Variants in DGKI observed in about 807,000 individuals in gnomAD.
The protein encoded by DGKI is DAG kinase iota.
Under a neutral mutation model 147.5 loss-of-function variants are expected in DGKI, and 55 were observed. The observed-to-expected ratio is 0.37, with a 90% confidence interval of 0.30 to 0.47. The LOEUF (loss-of-function observed/expected upper bound fraction) is 0.47, where lower values mean the gene tolerates loss of function less well. Among genes scored for constraint, DGKI ranks in the 20% least tolerant of loss-of-function variants. The probability of loss-of-function intolerance (pLI) is 1.00; values close to 1 mark genes in which losing one functional copy is unlikely to be tolerated. For synonymous variants in DGKI, 469 were observed against 477.1 expected (o/e 0.98, Z 0.22); for missense variants, 1,007 against 1,323.8 (o/e 0.76, Z 3.71).
chr7:137,474,589 T>C (rs1413308156), intron 23 of DGKI, among the ~76,000 whole-genome samples: 4 of 152,024 alleles, frequency 2.6e-5, no homozygotes, highest in Non-Finnish European at 4.4e-5. Flanking sequence ...AGCAAAAAGA[T>C]AGTGAGAAAG....
At chr7:137,618,153 T>A (rs867310991) in intron 8 of DGKI, among the ~76,000 whole-genome samples, 11 of 9,612 alleles carry the variant, frequency 1.1e-3, no homozygotes, top group Non-Finnish European at 3.0e-3. Flanking sequence ...ATATATATAT[T>A]TTTTTTTTTT....
intron 28 of DGKI, among the ~76,000 whole-genome samples, chr7:137,441,216 C>T (rs866202094): frequency 9.2e-5 from 14 of 151,730 alleles, no homozygotes; most frequent in African/African-American, 3.1e-4. Context: ...GTCAGGAGAT[C>T]GAGACCATCC....
At chr7:137,415,084 T>C (rs1812308667) in intron 28 of DGKI, among the ~76,000 whole-genome samples, 1 of 152,136 alleles carries the variant, frequency 6.6e-6, no homozygotes, top group Non-Finnish European at 1.5e-5. Context: ...GGCAGACATA[T>C]CTCTGTTAAT....
intron 28 of DGKI, among the ~76,000 whole-genome samples, chr7:137,418,521 C>CAT (rs1277081256): frequency 4.6e-5 from 7 of 152,070 alleles, no homozygotes; most frequent in Non-Finnish European, 2.9e-5. Flanking sequence ...TTGGCAAAGC[C>CAT]ATATATATAT....
chr7:137,513,427 TA>T (rs557648782), intron 21 of DGKI, among the ~76,000 whole-genome samples: 14 of 151,932 alleles, frequency 9.2e-5, no homozygotes, highest in Non-Finnish European at 1.8e-4. Flanking sequence ...TCTTACAAAT[TA>T]AAAAAAAGAA....
chr7:137,589,613 C>G (rs1819536038), intron 12 of DGKI, among the ~76,000 whole-genome samples: 1 of 152,168 alleles, frequency 6.6e-6, no homozygotes, highest in South Asian at 2.1e-4. Flanking sequence ...AGATTAAACA[C>G]AGTAAAAGTA....
Position 137,391,053 on chromosome 7 carries a change from T to A in DGKI, c.*167A>T. ...TTCTCAATGGGCTATCATGTTCTGT[T>A]GTACATCTTGGTAGCCCTTAAAAGC... On this transcript the variant is annotated 3_prime_UTR_variant, in exon 33 of 33. Coordinates refer to ENST00000614521, the MANE Select transcript of DGKI (RefSeq NM_001321708.2). The A allele has an allele frequency of 1.5e-6, 1 of 645,884 alleles. No homozygotes were observed. Among genetic ancestry groups the A allele is most frequent in the Non-Finnish European group, 2.8e-6 (1 of 361,872 alleles). 40.0% of individuals were successfully genotyped at this position (645,884 alleles called of 1,614,324 possible).
chr7:137,438,602 G>A (rs956879178), intron 28 of DGKI, among the ~76,000 whole-genome samples: 10 of 151,924 alleles, frequency 6.6e-5, no homozygotes, highest in African/African-American at 2.4e-4. Context: ...ATACGAGGAA[G>A]AGTTACAAAA....
chr7:137,665,157 C>CT (rs1280808067), intron 3 of DGKI, among the ~76,000 whole-genome samples: 1 of 152,040 alleles, frequency 6.6e-6, no homozygotes, highest in Non-Finnish European at 1.5e-5. Flanking sequence ...AAGACACTGG[C>CT]TTTTTTTCCT....
chr7:137,576,248 G>C (rs1274677796), intron 17 of DGKI, among the ~76,000 whole-genome samples: 1 of 151,780 alleles, frequency 6.6e-6, no homozygotes, highest in Non-Finnish European at 1.5e-5. Context: ...ATTTTGCCCA[G>C]GCTGCTCTCG....
At chr7:137,839,412 G>A (rs1438050740) in intron 1 of DGKI, among the ~76,000 whole-genome samples, 1 of 152,158 alleles carries the variant, frequency 6.6e-6, no homozygotes, top group Non-Finnish European at 1.5e-5. Flanking sequence ...TCTGTATTTT[G>A]AAGAATAATA....
At position 137,465,901 on chromosome 7, in the gene DGKI, C is replaced by T; in HGVS notation, c.2612+7G>A. Reference sequence around the variant, plus strand: ...CCAGCCTCACAGGCCAGGAGAAGCACACTCACCCCGAGGCTTGTTCCACCA... The same window carrying T: ...CCAGCCTCACAGGCCAGGAGAAGCATACTCACCCCGAGGCTTGTTCCACCA... On this transcript the variant is annotated splice_region_variant and intron_variant, in intron 26 of 32. Coordinates refer to ENST00000614521, the MANE Select transcript of DGKI (RefSeq NM_001321708.2). 1 of 1,613,354 alleles carries T rather than the reference C, an allele frequency of 6.2e-7. No homozygotes were observed. The highest frequency in any genetic ancestry group is 8.5e-7 in the Non-Finnish European group (1 of 1,179,650).
intron 1 of DGKI, among the ~76,000 whole-genome samples, chr7:137,805,896 C>T (rs970349549): frequency 6.6e-6 from 1 of 152,220 alleles, no homozygotes; most frequent in Admixed American, 6.5e-5. Flanking sequence ...CAAGGCTAAG[C>T]CAGTGTCAGA....
Position 137,487,631 on chromosome 7 carries a change from C to T in DGKI, c.2307G>A (p.Met769Ile), listed in dbSNP as rs1402825307. 3 of 1,613,746 alleles carry T rather than the reference C, an allele frequency of 1.9e-6. No individual in the cohort carries two copies. The highest frequency in any genetic ancestry group is 1.7e-6 in the Non-Finnish European group (2 of 1,179,724). ...TCACCTCCTGTAGGCGGTCTATGTA[C>T]ATACGGCAAGTCTCCAAATCACAGT... ...RGDCDLETCR[M>I]YIDRLQEDLQ... is the part of the protein sequence containing the mutation. The change falls in exon 22 of 33, where the codon ATG becomes ATA. Residue 769 changes from methionine (M) to isoleucine (I), a missense_variant. Met to Ile is a conservative substitution (Grantham distance 10, BLOSUM62 1). Transcript: ENST00000614521.
intron 1 of DGKI, among the ~76,000 whole-genome samples, chr7:137,796,938 A>G (rs1797052722): frequency 6.6e-6 from 1 of 152,234 alleles, no homozygotes; most frequent in African/African-American, 2.4e-5. Context: ...AATAAAAAGT[A>G]TTAGTCTATA....
At chr7:137,464,130 G>T (rs539387549) in intron 26 of DGKI, among the ~76,000 whole-genome samples, 297 of 151,856 alleles carry the variant, frequency 2.0e-3, no homozygotes, top group Middle Eastern at 3.4e-3. Flanking sequence ...GGTGGCAGGC[G>T]CCTGTAGTCC....
chr7:137,658,296 A>G (rs1822296147), intron 3 of DGKI, among the ~76,000 whole-genome samples: 1 of 152,188 alleles, frequency 6.6e-6, no homozygotes, highest in Admixed American at 6.5e-5. Flanking sequence ...AGCACCCATA[A>G]GCAAATCATG....
intron 1 of DGKI, among the ~76,000 whole-genome samples, chr7:137,792,254 T>C (rs1563199982): frequency 6.6e-6 from 1 of 152,206 alleles, no homozygotes; most frequent in East Asian, 1.9e-4. Flanking sequence ...AAAGTTAGTT[T>C]GGAGAACAGA....
At chr7:137,418,820 G>A (rs554296581) in intron 28 of DGKI, among the ~76,000 whole-genome samples, 37 of 152,144 alleles carry the variant, frequency 2.4e-4, no homozygotes, top group South Asian at 1.0e-3. Context: ...TTGATTCACT[G>A]GGAATCATAA....
Sources: allele counts gnomAD v4.1 joint callset (sites outside exome capture counted in the v4.1 genomes callset), GRCh38; gene constraint gnomAD v4.1.1; transcripts MANE v1.5; gene names NCBI Gene and HGNC (gene_info 2026-07-23, HGNC 2026-07-21).